Variants in ATP13A5 observed in about 807,000 individuals in gnomAD.
ATP13A5 encodes the protein ATPase 13A5, also known as probable cation-transporting ATPase 13A5.
A neutral mutation model predicts 150.2 loss-of-function variants in ATP13A5; 149 were observed. The ratio of observed to expected loss-of-function variants is 0.99; its 90% CI spans 0.87 to 1.14. The LOEUF is 1.14. ATP13A5 is among the 50% of genes most tolerant of loss of function. ATP13A5 has a pLI of 0.00. For synonymous variants in ATP13A5, 497 were observed against 522.2 expected, an observed-to-expected ratio of 0.95 and a Z score of 0.66; for missense variants, 1,383 against 1,449.3, an observed-to-expected ratio of 0.95 and a Z score of 0.74.
rs183500323 is a variant in ATP13A5 at position 193,339,072 on chromosome 3, G to T, written c.944-3973C>A. On this transcript the variant is annotated intron_variant, in intron 9 of 29. Transcript: ENST00000342358. ...GGTAGTTTGTATTTCTGTGGGATTGGTGGTGATATCCCCTTTATCATTTTT... is the reference window on the plus strand; with the variant it reads ...GGTAGTTTGTATTTCTGTGGGATTGTTGGTGATATCCCCTTTATCATTTTT... 7.6e-3 allele frequency among the ~76,000 whole-genome samples: 1,151 copies of T among 151,808 alleles called. 13 individuals carry two copies. The highest frequency in any genetic ancestry group is 0.026 in the African/African-American group (1,081 of 41,138).
At position 193,299,287 on chromosome 3, in the gene ATP13A5, T is replaced by C. The variant is rs1577333677; in HGVS notation, c.2776-84A>G. On this transcript the variant is annotated intron_variant, in intron 24 of 29. Transcript: ENST00000342358. ...ATTCCCTACACTCTTTTTAAGTCGTTAGGAGGCAGCTGTTACTTTTTTTTC... is the reference window on the plus strand; with the variant it reads ...ATTCCCTACACTCTTTTTAAGTCGTCAGGAGGCAGCTGTTACTTTTTTTTC... The C allele has an allele frequency of 2.9e-6, 3 of 1,047,026 alleles. No individual in the cohort carries two copies. The African/African-American group carries it at 4.9e-5, about 17-fold the overall frequency. The allele number at this position is 1,047,026 out of a possible 1,614,324, so 64.9% of individuals were successfully genotyped here.
At chr3:193,306,836 G>A in intron 22 of ATP13A5, among the ~76,000 whole-genome samples, 1 of 152,220 alleles carries the variant, frequency 6.6e-6, no homozygotes, top group East Asian at 1.9e-4. Context: ...CTGAGTGAAA[G>A]AGTTCTGGGT....
intron 19 of ATP13A5, chr3:193,312,847 A>G (rs1451404718): frequency 3.9e-5 from 6 of 152,186 alleles, no homozygotes; most frequent in Non-Finnish European, 8.8e-5. Flanking sequence ...AATAACCAAC[A>G]AAAGACATGT....
intron 9 of ATP13A5, among the ~76,000 whole-genome samples, chr3:193,343,431 G>A (rs565191960): frequency 5.3e-5 from 8 of 152,286 alleles, no homozygotes; most frequent in South Asian, 2.1e-4. Context: ...CTGTGCGATC[G>A]TCTTTGCCCG....
intron 19 of ATP13A5, chr3:193,312,867 TC>T (rs1442527829): frequency 1.3e-5 from 2 of 152,032 alleles, no homozygotes; most frequent in Non-Finnish European, 2.9e-5. Context: ...TTCTAAAGCA[TC>T]CCTCCTGAGA....
chr3:193,280,340 C>T (rs1717430520), intron 27 of ATP13A5, among the ~76,000 whole-genome samples: 1 of 152,212 alleles, frequency 6.6e-6, no homozygotes, highest in Non-Finnish European at 1.5e-5. Flanking sequence ...GCATCAGCCA[C>T]ACCCCTGGCC....
At chr3:193,335,218 A>T (rs1439034555) in intron 9 of ATP13A5, 119 bp from the exon 10 acceptor site, 23 of 818,184 alleles carry the variant, frequency 2.8e-5, no homozygotes, top group Non-Finnish European at 4.3e-5. Flanking sequence ...TGCCCATCCC[A>T]TGAGTCAGAT....
chr3:193,347,524 C>CTTTTCTTTTTTTT (rs72383894), intron 7 of ATP13A5, among the ~76,000 whole-genome samples: 2 of 145,380 alleles, frequency 1.4e-5, no homozygotes, highest in African/African-American at 5.3e-5. Flanking sequence ...CCTTAGATTT[C>CTTTTCTTTTTTTT]TTTTTTTTTT....
chr3:193,349,932 C>T (rs560638659), intron 7 of ATP13A5, among the ~76,000 whole-genome samples: 3 of 152,076 alleles, frequency 2.0e-5, no homozygotes, highest in Non-Finnish European at 2.9e-5. Flanking sequence ...TATGTAAGAA[C>T]ACGCCCATAC....
chr3:193,300,931 C>T (rs921892937), intron 24 of ATP13A5, among the ~76,000 whole-genome samples: 4 of 152,172 alleles, frequency 2.6e-5, no homozygotes, highest in Admixed American at 6.5e-5. Context: ...TGCTTTGAAG[C>T]TCTCTTCATA....
At chr3:193,344,862 G>C in intron 8 of ATP13A5, 141 bp downstream of exon 8, 1 of 784,716 alleles carries the variant, frequency 1.3e-6, no homozygotes, top group Non-Finnish European at 2.1e-6. Flanking sequence ...CTATCTTAGA[G>C]GGCTTCTTTG....
At chr3:193,346,758 T>C (rs1345842642) in intron 7 of ATP13A5, among the ~76,000 whole-genome samples, 1 of 152,172 alleles carries the variant, frequency 6.6e-6, no homozygotes, top group Non-Finnish European at 1.5e-5. Flanking sequence ...ATTTATGATA[T>C]ACTTCAGTTT....
Position 193,275,094 on chromosome 3 carries a change from T to G in ATP13A5, c.3605A>C (p.Lys1202Thr). ...YESHEQIPKR[K>T]LKLGGQPTEQ... ...TGTGGGTTGGCCTCCCAATTTGAGTTTTCTTTTTGGAATCTGTTCATGGCT... is the reference window on the plus strand; with the variant it reads ...TGTGGGTTGGCCTCCCAATTTGAGTGTTCTTTTTGGAATCTGTTCATGGCT... Residue 1202 changes from lysine to threonine, a missense_variant, in exon 30 of 30, where the codon AAA becomes ACA. By Grantham distance (78) the Lys-to-Thr change is moderately conservative. Transcript: ENST00000342358. The G allele has an allele frequency of 6.2e-7, 1 of 1,614,184 alleles. No individual in the cohort carries two copies. The highest frequency in any genetic ancestry group is 8.5e-7 in the Non-Finnish European group (1 of 1,180,026).
At chr3:193,371,507 A>G (rs1266528751) in intron 1 of ATP13A5, among the ~76,000 whole-genome samples, 3 of 152,290 alleles carry the variant, frequency 2.0e-5, no homozygotes, top group South Asian at 4.1e-4. Flanking sequence ...ACAAGACTAA[A>G]CTCAAGGCGT....
chr3:193,291,372 A>G (rs536695924), intron 25 of ATP13A5, among the ~76,000 whole-genome samples: 1 of 152,254 alleles, frequency 6.6e-6, no homozygotes, highest in African/African-American at 2.4e-5. Context: ...AGATTGTGTA[A>G]TAAAGAAGCT....
chr3:193,362,829 C>T (rs569476333), intron 3 of ATP13A5, among the ~76,000 whole-genome samples, 192 bp from the exon 4 acceptor site: 2 of 151,516 alleles, frequency 1.3e-5, no homozygotes, highest in South Asian at 2.1e-4. Flanking sequence ...GGGTCTCACT[C>T]TGTCACCCAG....
Position 193,334,983 on chromosome 3 carries a change from TAACTTCTG to T in ATP13A5, c.1052_1059del (p.Thr351AsnfsTer133), listed in dbSNP as rs777073288. On this transcript the variant is annotated frameshift_variant, in exon 10 of 30. Coordinates refer to ENST00000342358, the MANE Select transcript of ATP13A5 (RefSeq NM_198505.4). LOFTEE classifies it high-confidence loss of function. ...CCCTGCCCAGAGGGCTTGACCTGGA[TAACTTCTG>T]TTCCACAGAAAAGGACGTGTTTCCT... 7.4e-6 allele frequency: 12 copies of T among 1,613,954 alleles called. No homozygotes were observed. In the South Asian group the frequency reaches 1.3e-4, roughly 18 times the overall value.
At chr3:193,276,283 A>G (rs192955696) in intron 29 of ATP13A5, among the ~76,000 whole-genome samples, 18 of 152,362 alleles carry the variant, frequency 1.2e-4, no homozygotes, top group African/African-American at 3.8e-4. Context: ...ATTTAGTGAC[A>G]CTGAGTAGAA....
At chr3:193,316,828 C>A (rs1719069333) in intron 17 of ATP13A5, among the ~76,000 whole-genome samples, 1 of 152,068 alleles carries the variant, frequency 6.6e-6, no homozygotes. Flanking sequence ...TATCCACCAG[C>A]AAAAGAATGA....
Sources: allele counts gnomAD v4.1 joint callset (sites outside exome capture counted in the v4.1 genomes callset), GRCh38; gene constraint gnomAD v4.1.1; transcripts MANE v1.5; gene names NCBI Gene and HGNC (gene_info 2026-07-23, HGNC 2026-07-21).